The following SPAST variants were observed in gnomAD, a reference collection of about 807,000 sequenced individuals.
SPAST encodes the protein spastin.
A neutral mutation model predicts 76.6 loss-of-function variants in SPAST; 30 were observed. That is an observed-to-expected ratio of 0.39 (90% CI 0.29 to 0.53). The LOEUF is 0.53. SPAST is among the 20% of genes least tolerant of loss of function. The probability of loss-of-function intolerance (pLI) is 0.68; values close to 1 mark genes in which losing one functional copy is unlikely to be tolerated. For missense variants in SPAST, 717 were observed against 770.5 expected, an observed-to-expected ratio of 0.93 and a Z score of 0.82; for synonymous variants, 305 against 281.0, an observed-to-expected ratio of 1.09 and a Z score of -0.86.
intron 1 of SPAST, among the ~76,000 whole-genome samples, chr2:32,083,776 A>T (rs111468611): frequency 0.42 from 19,396 of 45,642 alleles, 5,363 homozygotes; most frequent in Non-Finnish European, 0.45. Flanking sequence ...ATATATATAT[A>T]TTTTTTTTTT....
intron 7 of SPAST, among the ~76,000 whole-genome samples, chr2:32,125,135 A>AAAC (rs1679146889): frequency 6.6e-6 from 1 of 152,198 alleles, no homozygotes; most frequent in Non-Finnish European, 1.5e-5. Flanking sequence ...AAGGAATGAG[A>AAAC]GGTTATATGG....
intron 1 of SPAST, among the ~76,000 whole-genome samples, chr2:32,087,242 G>A (rs1264519032): frequency 3.9e-5 from 6 of 152,022 alleles, no homozygotes; most frequent in Non-Finnish European, 7.4e-5. Context: ...AGGTTATAAG[G>A]ATCAATACCA....
chr2:32,099,117 G>C (rs1678025827), intron 4 of SPAST, among the ~76,000 whole-genome samples: 2 of 152,024 alleles, frequency 1.3e-5, no homozygotes, highest in African/African-American at 4.8e-5. Context: ...TGCAACCTCT[G>C]GTTTTTCAGA....
rs1310192972 is a variant in SPAST at position 32,154,625 on chromosome 2, C to T, written c.*129C>T. ...TTTTAGAGTCTTACATATTTGTGCA[C>T]CAAACTTGAAGATGAACCAGAAAAC... is the stretch of plus-strand genomic sequence containing the variant. On this transcript the variant is annotated 3_prime_UTR_variant, in exon 17 of 17. Coordinates refer to ENST00000315285, the MANE Select transcript of SPAST (RefSeq NM_014946.4). 1 of 924,816 alleles carries T rather than the reference C, an allele frequency of 1.1e-6. No individual in the cohort carries two copies. Among genetic ancestry groups the T allele is most frequent in the African/African-American group, 1.7e-5 (1 of 60,240 alleles). The allele number at this position is 924,816 out of a possible 1,614,324, so 57.3% of individuals were successfully genotyped here.
chr2:32,089,482 T>C (rs376399487), intron 2 of SPAST, 40 bp from the exon 3 acceptor site: 33 of 1,090,196 alleles, frequency 3.0e-5, no homozygotes, highest in Non-Finnish European at 4.4e-5. Context: ...ACAATATTAG[T>C]TGGGAAATGT....
Position 32,064,082 on chromosome 2 carries a change from G to T in SPAST, c.251G>T (p.Arg84Leu). The T allele has an allele frequency of 6.2e-7, 1 of 1,611,892 alleles. No individual in the cohort carries two copies. The highest frequency in any genetic ancestry group is 8.5e-7 in the Non-Finnish European group (1 of 1,179,094). The part of the protein sequence containing the change: ...LFVWLCQRFS[R>L]ALMAAKRSSG... ...GTGTGGCTCTGCCAGCGCTTCTCCCGCGCCCTCATGGCAGCCAAGAGGAGC... is the reference window on the plus strand; with the variant it reads ...GTGTGGCTCTGCCAGCGCTTCTCCCTCGCCCTCATGGCAGCCAAGAGGAGC... Residue 84 changes from arginine to leucine, a missense_variant, in exon 1 of 17, where the codon CGC becomes CTC. This residue lies in a region of SPAST where 543 missense variants were observed against 445.2 expected (regional missense o/e 1.22). Transcript: ENST00000315285.
intron 1 of SPAST, chr2:32,065,936 T>C (rs1432058569): frequency 2.6e-5 from 4 of 151,902 alleles, no homozygotes; most frequent in East Asian, 1.9e-4. Flanking sequence ...GAATACTATG[T>C]GTTTGTAGAA....
At chr2:32,115,483 A>G (rs1678792831) in intron 5 of SPAST, among the ~76,000 whole-genome samples, 1 of 152,212 alleles carries the variant, frequency 6.6e-6, no homozygotes, top group Non-Finnish European at 1.5e-5. Flanking sequence ...TGTAAAAACT[A>G]AATCTCTGGA....
rs191664951 is a variant in SPAST, at chr2:32,115,991, C to T, written c.1005-128C>T. On this transcript the variant is annotated intron_variant, in intron 6 of 16. Coordinates refer to ENST00000315285, the MANE Select transcript of SPAST (RefSeq NM_014946.4). ...CAATTATAAATGTAGAAAACCATTG[C>T]TTTACTGATTTAACTATAGTTTAAC... The T allele has an allele frequency of 1.4e-3, 1,287 of 946,946 alleles. 7 individuals carry two copies. In the African/African-American group the frequency reaches 0.018, roughly 13 times the overall value. The allele number at this position is 946,946 out of a possible 1,614,324, so 58.7% of individuals were successfully genotyped here.
Position 32,104,661 on chromosome 2 carries a change from T to G in SPAST, c.682+5770T>G, listed in dbSNP as rs570535871. On this transcript the variant is annotated intron_variant, in intron 4 of 16. Transcript: ENST00000315285. ...AGGCAGGCCTGGTAGTTACAAAATC[T>G]GTCAGCATTTGCTTGTCTTTAAAGG... 9.3e-4 allele frequency among the ~76,000 whole-genome samples: 141 copies of G among 152,332 alleles called. 1 individual carries two copies. The highest frequency in any genetic ancestry group is 3.1e-3 in the African/African-American group (129 of 41,580).
In SPAST at chr2:32,154,360, T is replaced by A. The variant is rs1318675051; in HGVS notation, c.1729-14T>A. On this transcript the variant is annotated splice_polypyrimidine_tract_variant and intron_variant, in intron 16 of 16. Transcript: ENST00000315285. ...TTGATCATTTGTATTGTCATGTGCTTTTTAAAAATCTAGATGAGAAATATT... is the reference window on the plus strand; with the variant it reads ...TTGATCATTTGTATTGTCATGTGCTATTTAAAAATCTAGATGAGAAATATT... 8 of 1,610,696 alleles carry A rather than the reference T, an allele frequency of 5.0e-6. No individual in the cohort carries two copies. Among genetic ancestry groups the A allele is most frequent in the Non-Finnish European group, 6.8e-6 (8 of 1,177,014 alleles).
chr2:32,130,948 A>G (rs1431777855), intron 9 of SPAST, among the ~76,000 whole-genome samples: 2 of 152,282 alleles, frequency 1.3e-5, no homozygotes, highest in East Asian at 3.9e-4. Context: ...CCCTGTACCT[A>G]TAGACATGTA....
chr2:32,096,844 A>G (rs1322828623), intron 3 of SPAST, among the ~76,000 whole-genome samples: 1 of 151,934 alleles, frequency 6.6e-6, no homozygotes, highest in African/African-American at 2.4e-5. Flanking sequence ...TAAAGAGTTT[A>G]TCATTGAGAA....
At chr2:32,149,510 C>CTT (rs1680006150) in intron 16 of SPAST, among the ~76,000 whole-genome samples, 1 of 152,140 alleles carries the variant, frequency 6.6e-6, no homozygotes. Context: ...GGTCATAACT[C>CTT]TGTGAGCAAA....
chr2:32,108,064 G>T (rs1258543746), intron 4 of SPAST, among the ~76,000 whole-genome samples: 1 of 152,096 alleles, frequency 6.6e-6, no homozygotes, highest in African/African-American at 2.4e-5. Context: ...AAAGCAATCA[G>T]TAGAAACTGT....
In SPAST at chr2:32,098,732, ATTTG is replaced by A. The variant is rs1678009809; in HGVS notation, c.587-61_587-58del. The stretch of plus-strand genomic sequence containing the variant: ...ATTTGTCATTTCACATGCACATTTT[ATTTG>A]TTCATTATCTTTTTTCTTTTTGTTT... On this transcript the variant is annotated intron_variant, in intron 3 of 16. Coordinates refer to ENST00000315285, the MANE Select transcript of SPAST (RefSeq NM_014946.4). 1.3e-5 allele frequency: 14 copies of A among 1,089,420 alleles called. No homozygotes were observed. The South Asian group carries it at 1.8e-4, about 14-fold the overall frequency. 67.5% of individuals were successfully genotyped at this position (1,089,420 alleles called of 1,614,324 possible). A position where few individuals can be genotyped will look rare whatever the true frequency, so the allele number is the denominator to read the frequency against.
Position 32,098,868 on chromosome 2 carries a change from G to A in SPAST, c.659G>A (p.Cys220Tyr). Reference protein sequence around the residue: ...DVYNDSTNLACRNGHLQSESG... With the variant: ...DVYNDSTNLAYRNGHLQSESG... ...TATAATGACAGTACTAACTTGGCAT[G>A]CCGCAATGGACATCTCCAGTCAGGT... The change falls in exon 4 of 17, where the codon TGC (cysteine) becomes TAC (tyrosine). Residue 220 changes from cysteine to tyrosine, a missense_variant. Around this residue, in one of 3 missense-constraint regions of SPAST, gnomAD observed 543 missense variants for 445.2 expected, o/e 1.22. Coordinates refer to ENST00000315285, the MANE Select transcript of SPAST (RefSeq NM_014946.4). The A allele has an allele frequency of 2.5e-6, 4 of 1,613,432 alleles. No individual in the cohort carries two copies. Among genetic ancestry groups the A allele is most frequent in the South Asian group, 1.1e-5 (1 of 91,072 alleles).
chr2:32,128,011 T>C, intron 8 of SPAST: 1 of 183,196 alleles, frequency 5.5e-6, no homozygotes, highest in South Asian at 1.1e-4. Flanking sequence ...TTAATTTTTT[T>C]TTTTAGACAG....
intron 1 of SPAST, among the ~76,000 whole-genome samples, chr2:32,085,440 C>T (rs1329764898): frequency 1.3e-5 from 2 of 152,100 alleles, no homozygotes; most frequent in African/African-American, 4.8e-5. Flanking sequence ...TGGGCTTGAG[C>T]TCCTGGGCTC....
Sources: gnomAD v4.1 joint callset for allele counts (sites outside exome capture counted in the v4.1 genomes callset) on GRCh38, gnomAD v4.1.1 for gene constraint, gnomAD v4.1.1 regional missense constraint, MANE v1.5 for transcripts, NCBI Gene and HGNC (gene_info 2026-07-23, HGNC 2026-07-21) for gene names.